MPP7: variants seen among roughly 807,000 people sequenced by gnomAD.
MPP7 encodes the protein MAGUK p55 scaffold protein 7.
In MPP7, 60 loss-of-function variants were observed where a neutral mutation model predicts 76.5. That is an observed-to-expected ratio of 0.78 (90% CI 0.64 to 0.97). The LOEUF is 0.97. Among genes scored for constraint, MPP7 ranks in the 50% least tolerant of loss-of-function variants. The probability of loss-of-function intolerance (pLI) is 0.00; values close to 1 mark genes in which losing one functional copy is unlikely to be tolerated. For missense variants in MPP7, 641 were observed against 694.0 expected, an observed-to-expected ratio of 0.92 and a Z score of 0.86; for synonymous variants, 237 against 244.5, an observed-to-expected ratio of 0.97 and a Z score of 0.29.
chr10:28,081,648 G>T (rs185078542), intron 12 of MPP7, among the ~76,000 whole-genome samples: 1 of 151,980 alleles, frequency 6.6e-6, no homozygotes, highest in Non-Finnish European at 1.5e-5. Flanking sequence ...AAACCATATA[G>T]CATTATGATA....
chr10:28,275,197 T>C (rs1840454624), intron 1 of MPP7, among the ~76,000 whole-genome samples: 1 of 152,158 alleles, frequency 6.6e-6, no homozygotes, highest in Admixed American at 6.5e-5. Context: ...ACTTAATGTG[T>C]AGGCATCTCA....
At chr10:28,290,476 G>C (rs1161959368) in intron 1 of MPP7, among the ~76,000 whole-genome samples, 1 of 151,820 alleles carries the variant, frequency 6.6e-6, no homozygotes, top group Non-Finnish European at 1.5e-5. Flanking sequence ...ATCAGATTTT[G>C]TTTTGTTTTG....
chr10:28,151,823 T>C (rs1372030509), intron 3 of MPP7, among the ~76,000 whole-genome samples: 1 of 152,210 alleles, frequency 6.6e-6, no homozygotes, highest in African/African-American at 2.4e-5. Flanking sequence ...ATCACCCACT[T>C]TTCCTCTCAG....
intron 2 of MPP7, among the ~76,000 whole-genome samples, chr10:28,229,334 A>G (rs1002100601): frequency 3.9e-5 from 6 of 152,228 alleles, no homozygotes; most frequent in Admixed American, 2.0e-4. Context: ...CTTTCAGCGC[A>G]CTGAGGAAAA....
At position 28,196,372 on chromosome 10, in the gene MPP7, C is replaced by T. The variant is rs571588092; in HGVS notation, c.156+5781G>A. On this transcript the variant is annotated intron_variant, in intron 3 of 16. Coordinates refer to ENST00000683449, the MANE Select transcript of MPP7 (RefSeq NM_001318170.2). ...GCAGGTGCCTGTAATTGCAGCTACACGGGAGGCTGAGGCAGGAGACTCCCT... is the reference window on the plus strand; with the variant it reads ...GCAGGTGCCTGTAATTGCAGCTACATGGGAGGCTGAGGCAGGAGACTCCCT... Among the ~76,000 whole-genome samples, 60 of 151,394 alleles carry T rather than the reference C, an allele frequency of 4.0e-4. 1 individual carries two copies. Among genetic ancestry groups the T allele is most frequent in the Non-Finnish European group, 3.1e-4 (21 of 67,896 alleles).
intron 4 of MPP7, among the ~76,000 whole-genome samples, chr10:28,148,625 G>A (rs1835783794): frequency 6.6e-6 from 1 of 152,002 alleles, no homozygotes; most frequent in African/African-American, 2.4e-5. Flanking sequence ...TTACTTTTTT[G>A]AGGTAATATT....
intron 12 of MPP7, among the ~76,000 whole-genome samples, chr10:28,081,352 G>T (rs745818356): frequency 6.6e-6 from 1 of 152,054 alleles, no homozygotes; most frequent in Non-Finnish European, 1.5e-5. Context: ...CAAAAAGTTG[G>T]GTTTCACTGA....
chr10:28,158,714 T>G (rs529686635), intron 3 of MPP7, among the ~76,000 whole-genome samples: 1 of 152,186 alleles, frequency 6.6e-6, no homozygotes, highest in Non-Finnish European at 1.5e-5. Flanking sequence ...CTGAAAGTAG[T>G]TGGGCTGGAG....
At chr10:28,218,704 C>G (rs187350653) in intron 2 of MPP7, among the ~76,000 whole-genome samples, 35 of 152,136 alleles carry the variant, frequency 2.3e-4, no homozygotes, top group African/African-American at 4.8e-4. Flanking sequence ...TTCAGGAAAG[C>G]CTAATTCAAA....
Position 28,311,785 on chromosome 10 carries a change from CAA to C in MPP7, c.-132+18142_-132+18143del, listed in dbSNP as rs1396596392. ...ACACACACACACACACACACACACACAAACACTGAGATTCTCATGTCAACTAA... is the reference window on the plus strand; with the variant it reads ...ACACACACACACACACACACACACACACACTGAGATTCTCATGTCAACTAA... On this transcript the variant is annotated intron_variant, in intron 2 of 11. Transcript: ENST00000441595. Among the ~76,000 whole-genome samples, 219 of 150,200 alleles carry C rather than the reference CAA, an allele frequency of 1.5e-3. 1 individual carries two copies. The highest frequency in any genetic ancestry group is 4.7e-3 in the African/African-American group (190 of 40,464).
At chr10:28,304,375 A>G (rs1213616089), upstream of MPP7, among the ~76,000 whole-genome samples, 1 of 152,244 alleles carries the variant, frequency 6.6e-6, no homozygotes, top group Non-Finnish European at 1.5e-5. Flanking sequence ...ATTACGTAAT[A>G]GTGAAAAATG....
chr10:28,264,945 T>C (rs1483917658), intron 1 of MPP7, among the ~76,000 whole-genome samples: 1 of 152,106 alleles, frequency 6.6e-6, no homozygotes, highest in African/African-American at 2.4e-5. Flanking sequence ...TATTGAGAAA[T>C]ATAAAAATAC....
intron 1 of MPP7, among the ~76,000 whole-genome samples, chr10:28,298,802 T>C (rs1841088279): frequency 6.6e-6 from 1 of 152,226 alleles, no homozygotes; most frequent in Non-Finnish European, 1.5e-5. Context: ...TCAGTGATCT[T>C]AGCTAGATAT....
At chr10:28,124,208 TC>T in intron 7 of MPP7, 92 bp from the exon 8 acceptor site, 1 of 852,082 alleles carries the variant, frequency 1.2e-6, no homozygotes, top group Middle Eastern at 2.2e-4. Flanking sequence ...ATTGTTAGGT[TC>T]CCTTAATACA....
At chr10:28,288,776 T>G (rs1840844155) in intron 1 of MPP7, among the ~76,000 whole-genome samples, 1 of 152,158 alleles carries the variant, frequency 6.6e-6, no homozygotes, top group Admixed American at 6.6e-5. Flanking sequence ...CCTTATTCTT[T>G]GAGTTCCTGT....
chr10:28,318,645 A>G (rs1044548624), intron 2 of MPP7, among the ~76,000 whole-genome samples: 1 of 152,192 alleles, frequency 6.6e-6, no homozygotes, highest in Admixed American at 6.5e-5. Context: ...AGATCATGCC[A>G]CTGCACTCCA....
chr10:28,104,764 T>A (rs554432440), intron 11 of MPP7, among the ~76,000 whole-genome samples: 1 of 152,278 alleles, frequency 6.6e-6, no homozygotes, highest in East Asian at 1.9e-4. Flanking sequence ...AAAGTCTTTT[T>A]ATACCGTATG....
In MPP7 at chr10:28,227,782, T is replaced by C. The variant is rs905171664; in HGVS notation, c.37+10786A>G. Among the ~76,000 whole-genome samples the C allele has an allele frequency of 3.3e-5, 5 of 152,190 alleles. No homozygotes were observed. In the East Asian group the frequency reaches 9.6e-4, roughly 29 times the overall value. On this transcript the variant is annotated intron_variant, in intron 2 of 16. Transcript: ENST00000683449. ...TGTGAATAATGCTGTAATAAACACA[T>C]GCATGCATGTATCTTTATAACAGAA...
In MPP7 at chr10:28,119,190, G is replaced by T. The variant is rs1834750797; in HGVS notation, c.952+461C>A. 6 of 388,096 alleles carry T rather than the reference G, an allele frequency of 1.5e-5. 1 individual carries two copies. The South Asian group carries it at 5.3e-4, about 34-fold the overall frequency. 24.0% of individuals were successfully genotyped at this position (388,096 alleles called of 1,614,324 possible). A position where few individuals can be genotyped will look rare whatever the true frequency, so the allele number is the denominator to read the frequency against. On this transcript the variant is annotated intron_variant, in intron 11 of 16. Transcript: ENST00000683449. ...ATAACTCCAAAGGGATAGGCTAAAG[G>T]TCAGAAGTATTATGATCTGGGGATA...
Sources: allele counts gnomAD v4.1 joint callset (sites outside exome capture counted in the v4.1 genomes callset), GRCh38; gene constraint gnomAD v4.1.1; transcripts MANE v1.5; gene names NCBI Gene and HGNC (gene_info 2026-07-23, HGNC 2026-07-21).